BCL7C: variants seen among roughly 807,000 people sequenced by gnomAD.
The protein encoded by BCL7C is BAF chromatin remodeling complex subunit BCL7C.
A neutral mutation model predicts 26.2 loss-of-function variants in BCL7C; 8 were observed. That is an observed-to-expected ratio of 0.30 (90% CI 0.18 to 0.55). BCL7C has a LOEUF of 0.55. Among genes scored for constraint, BCL7C ranks in the 20% least tolerant of loss-of-function variants. BCL7C has a pLI of 0.93. For missense variants in BCL7C, 262 were observed against 298.5 expected, an observed-to-expected ratio of 0.88 and a Z score of 0.90; for synonymous variants, 90 against 116.5, an observed-to-expected ratio of 0.77 and a Z score of 1.47.
intron 5 of BCL7C, among the ~76,000 whole-genome samples, chr16:30,877,001 A>G (rs977906420): frequency 1.3e-5 from 2 of 152,174 alleles, no homozygotes; most frequent in African/African-American, 2.4e-5. Context: ...GGAGAAGGTG[A>G]GCAGAGGCCA....
In BCL7C at chr16:30,894,049, C is replaced by G. The variant is rs1180053058; in HGVS notation, c.-105G>C. On this transcript the variant is annotated 5_prime_UTR_variant, in exon 1 of 6. Coordinates refer to ENST00000215115, the MANE Select transcript of BCL7C (RefSeq NM_004765.4). The stretch of plus-strand genomic sequence containing the variant: ...GGGCGCCGCGCTCTCGGCCTGCCGT[C>G]CCCCCTGGAGTTGGCCGCGCCCTCT... The G allele has an allele frequency of 2.8e-5, 9 of 321,164 alleles. No homozygotes were observed. The highest frequency in any genetic ancestry group is 6.0e-5 in the Admixed American group (1 of 16,632). 19.9% of individuals were successfully genotyped at this position (321,164 alleles called of 1,614,324 possible). A position where few individuals can be genotyped will look rare whatever the true frequency, so the allele number is the denominator to read the frequency against.
intron 5 of BCL7C, among the ~76,000 whole-genome samples, chr16:30,871,626 A>T (rs1486072013): frequency 6.6e-6 from 1 of 152,022 alleles, no homozygotes; most frequent in African/African-American, 2.4e-5. Flanking sequence ...CTGGGACTAC[A>T]GGCAGGCACC....
chr16:30,839,834 G>A (rs2054591251), intron 5 of BCL7C, among the ~76,000 whole-genome samples: 1 of 152,186 alleles, frequency 6.6e-6, no homozygotes, highest in South Asian at 2.1e-4. Context: ...GATAATAATT[G>A]GTTGTGGCTT....
intron 5 of BCL7C, among the ~76,000 whole-genome samples, chr16:30,844,504 C>T (rs868282814): frequency 6.6e-6 from 1 of 152,140 alleles, no homozygotes; most frequent in East Asian, 1.9e-4. Context: ...AGTCATTCTC[C>T]GAGATCCATC....
intron 4 of BCL7C, among the ~76,000 whole-genome samples, chr16:30,890,907 C>A (rs1047958224): frequency 1.3e-5 from 2 of 152,052 alleles, no homozygotes; most frequent in African/African-American, 4.8e-5. Context: ...ATCGCTTGAA[C>A]CCGGGAGGCA....
At chr16:30,848,503 A>G (rs1013987866) in intron 5 of BCL7C, among the ~76,000 whole-genome samples, 1 of 152,198 alleles carries the variant, frequency 6.6e-6, no homozygotes, top group Non-Finnish European at 1.5e-5. Context: ...CTAATGGATT[A>G]TAGTGTCCCT....
rs1468452105 is a variant in BCL7C at position 30,846,121 on chromosome 16, AAAAG to A, written c.529-10977_529-10974del. Among the ~76,000 whole-genome samples the A allele has an allele frequency of 4.1e-3, 610 of 150,172 alleles. 5 individuals are homozygous for A. The highest frequency in any genetic ancestry group is 0.01 in the Middle Eastern group (3 of 294). On this transcript the variant is annotated intron_variant, in intron 5 of 5. Coordinates refer to the BCL7C transcript ENST00000380317. ...CGAGACTCCATCTCAAAAAAAAAAAAAAAGAAAGATCCTTCAGCCTCAGCCTCCT... is the reference window on the plus strand; with the variant it reads ...CGAGACTCCATCTCAAAAAAAAAAAAAAAGATCCTTCAGCCTCAGCCTCCT...
intron 5 of BCL7C, among the ~76,000 whole-genome samples, chr16:30,857,692 C>T (rs527903857): frequency 3.2e-4 from 48 of 151,170 alleles, no homozygotes; most frequent in Middle Eastern, 3.4e-3. Flanking sequence ...CCTTGGAGGC[C>T]GGGCGTGGTG....
chr16:30,853,005 G>A (rs565484349), intron 5 of BCL7C, among the ~76,000 whole-genome samples: 56 of 151,882 alleles, frequency 3.7e-4, no homozygotes, highest in African/African-American at 5.3e-4. Flanking sequence ...GCATGATCAC[G>A]GCTCACCGCA....
intron 5 of BCL7C, chr16:30,875,270 C>G (rs1273156955): frequency 6.5e-6 from 1 of 154,478 alleles, no homozygotes; most frequent in Non-Finnish European, 1.5e-5. Context: ...ATCCCCTACC[C>G]GCTTACTGCA....
intron 5 of BCL7C, among the ~76,000 whole-genome samples, chr16:30,869,805 G>A (rs1337415738): frequency 5.9e-5 from 9 of 152,122 alleles, no homozygotes; most frequent in African/African-American, 9.7e-5. Flanking sequence ...GAGCCATGGT[G>A]CCTGGCCTTT....
At chr16:30,880,339 T>G (rs544210047) in intron 5 of BCL7C, among the ~76,000 whole-genome samples, 3 of 148,742 alleles carry the variant, frequency 2.0e-5, no homozygotes, top group Admixed American at 2.0e-4. Context: ...CAAAAAAAAA[T>G]TAGTGAGCTG....
intron 4 of BCL7C, among the ~76,000 whole-genome samples, chr16:30,889,302 A>C (rs1171237643): frequency 6.6e-6 from 1 of 152,128 alleles, no homozygotes; most frequent in African/African-American, 2.4e-5. Context: ...TAATGATAGT[A>C]ATTACCTCAT....
At chr16:30,856,775 C>T (rs995112296) in intron 5 of BCL7C, among the ~76,000 whole-genome samples, 5 of 152,162 alleles carry the variant, frequency 3.3e-5, no homozygotes, top group African/African-American at 4.8e-5. Context: ...TGCTGCCGGC[C>T]GGCACAGAGC....
At chr16:30,840,360 G>A (rs1388976696) in intron 5 of BCL7C, among the ~76,000 whole-genome samples, 1 of 151,936 alleles carries the variant, frequency 6.6e-6, no homozygotes, top group Non-Finnish European at 1.5e-5. Flanking sequence ...TGGGATTACA[G>A]GCACATGCCA....
At chr16:30,876,175 C>G (rs2054947020) in intron 5 of BCL7C, 1 of 152,280 alleles carries the variant, frequency 6.6e-6, no homozygotes, top group African/African-American at 2.4e-5. Flanking sequence ...GGGTCACCAG[C>G]CAGGTGCATC....
At chr16:30,846,504 G>A (rs2054636883) in intron 5 of BCL7C, among the ~76,000 whole-genome samples, 1 of 152,050 alleles carries the variant, frequency 6.6e-6, no homozygotes, top group Non-Finnish European at 1.5e-5. Context: ...TGGGATTACA[G>A]GCATGAGCCA....
intron 5 of BCL7C, among the ~76,000 whole-genome samples, chr16:30,857,468 C>A (rs1002810557): frequency 3.3e-5 from 5 of 151,540 alleles, no homozygotes; most frequent in Non-Finnish European, 7.4e-5. Context: ...AATGACACTT[C>A]TCTGGAAACA....
chr16:30,870,510 T>A (rs1241277346), intron 5 of BCL7C, among the ~76,000 whole-genome samples: 1 of 151,238 alleles, frequency 6.6e-6, no homozygotes, highest in Admixed American at 6.6e-5. Flanking sequence ...ACAAAAAAAA[T>A]AAAAAATTAG....
Sources: allele counts gnomAD v4.1 joint callset (sites outside exome capture counted in the v4.1 genomes callset), GRCh38; gene constraint gnomAD v4.1.1; transcripts MANE v1.5; gene names NCBI Gene and HGNC (gene_info 2026-07-23, HGNC 2026-07-21).